The following BRD4 variants were observed in gnomAD, a reference collection of about 807,000 sequenced individuals.
BRD4 encodes the protein bromodomain-containing protein 4.
Under a neutral mutation model 142.1 loss-of-function variants are expected in BRD4, and 16 were observed. The observed-to-expected ratio is 0.11, with a 90% confidence interval of 0.08 to 0.17. The LOEUF (loss-of-function observed/expected upper bound fraction) is 0.17. Ranked by LOEUF, BRD4 falls within the 10% of genes least tolerant of loss-of-function variation. The pLI, the probability that BRD4 is intolerant of heterozygous loss-of-function variation, is 1.00. For synonymous variants in BRD4, 833 were observed against 707.5 expected, an observed-to-expected ratio of 1.18 and a Z score of -2.82; for missense variants, 1,424 against 1,810.9, an observed-to-expected ratio of 0.79 and a Z score of 3.88.
intron 1 of BRD4, among the ~76,000 whole-genome samples, chr19:15,319,492 T>C (rs769220507): frequency 1.3e-5 from 2 of 152,014 alleles, no homozygotes; most frequent in South Asian, 2.1e-4. Flanking sequence ...CACACACCTG[T>C]AGTTGCAGCT....
intron 11 of BRD4, among the ~76,000 whole-genome samples, chr19:15,251,422 A>G (rs1022289705): frequency 2.5e-5 from 3 of 121,772 alleles, no homozygotes; most frequent in Non-Finnish European, 4.9e-5. Flanking sequence ...CTCCAATCCA[A>G]ATGGAAACAC....
chr19:15,244,556 A>C lies in BRD4; in HGVS notation c.2256T>G (p.Pro752=). ...GAGGCGGGGGCGGCTGCTGGGGCAC[A>C]GGAGCCGGGGCCTGCTGCATCTGCT... ...HHQQMQQAPA[P]VPQQPPPPPQ... is the part of the protein sequence containing the mutation. Residue 752 remains proline, a synonymous_variant, in exon 13 of 20, where the codon CCT becomes CCG. Coordinates refer to ENST00000679869, the MANE Select transcript of BRD4 (RefSeq NM_001379291.1). 6.2e-7 allele frequency: 1 copy of C among 1,601,474 alleles called. No individual in the cohort carries two copies. Among genetic ancestry groups the C allele is most frequent in the Admixed American group, 1.7e-5 (1 of 59,826 alleles).
chr19:15,308,681 T>C (rs373027715), intron 1 of BRD4, among the ~76,000 whole-genome samples: 13 of 151,468 alleles, frequency 8.6e-5, no homozygotes, highest in South Asian at 6.3e-4. Flanking sequence ...ACATAAATTT[T>C]TAAAAAGGGG....
intron 1 of BRD4, among the ~76,000 whole-genome samples, chr19:15,311,260 C>G (rs749439245): frequency 2.6e-5 from 4 of 151,876 alleles, no homozygotes; most frequent in Non-Finnish European, 5.9e-5. Context: ...CCACTGCACT[C>G]CAGCCTGGGC....
At chr19:15,263,687 AC>A in intron 6 of BRD4, 139 bp from the exon 7 acceptor site, 3 of 1,058,344 alleles carry the variant, frequency 2.8e-6, no homozygotes, top group Non-Finnish European at 4.2e-6. Flanking sequence ...TAGTGGGGGG[AC>A]AGGCCATCAC....
At chr19:15,242,834 T>G in intron 14 of BRD4, 66 bp downstream of exon 14, 2 of 1,552,452 alleles carry the variant, frequency 1.3e-6, no homozygotes, top group East Asian at 4.8e-5. Flanking sequence ...CCCTTCTGGC[T>G]TCCTGAGGAC....
rs577701816 is a variant in BRD4, at chr19:15,282,671, T to A, written c.-34-9538A>T. On this transcript the variant is annotated intron_variant, in intron 1 of 19. Transcript: ENST00000679869. ...CTGACTCAGCTGTGCCCTTCACAGT[T>A]AAGAGTGGCATTTTCTCCTTGTTGA... is the stretch of plus-strand genomic sequence containing the variant. Among the ~76,000 whole-genome samples the A allele has an allele frequency of 1.9e-4, 29 of 152,366 alleles. No homozygotes were observed. The South Asian group carries it at 5.6e-3, about 29-fold the overall frequency.
chr19:15,273,757 G>A (rs2047615598), intron 1 of BRD4, among the ~76,000 whole-genome samples: 1 of 150,308 alleles, frequency 6.7e-6, no homozygotes, highest in Non-Finnish European at 1.5e-5. Flanking sequence ...GCTGAGGAAA[G>A]AATCTGCATG....
In BRD4 at chr19:15,239,705, G is replaced by C; in HGVS notation, c.3399C>G (p.Pro1133=). ...EPFSPSLRPE[P]PKHPESIKAP... is the part of the protein sequence containing the mutation. ...CCTTGATGCTCTCCGGGTGCTTGGG[G>C]GGCTCCGGCCGCAGCGAGGGGCTGA... Residue 1133 remains proline (P), a synonymous_variant, in exon 16 of 20, where the codon CCC becomes CCG. Coordinates refer to ENST00000679869, the MANE Select transcript of BRD4 (RefSeq NM_001379291.1). The surrounding 1 kb of genome is among the most constrained non-coding windows in gnomAD (Gnocchi z 7.4). The C allele has an allele frequency of 6.3e-7, 1 of 1,596,102 alleles. No homozygotes were observed. Among genetic ancestry groups the C allele is most frequent in the Non-Finnish European group, 8.5e-7 (1 of 1,178,090 alleles).
chr19:15,256,279 G>A lies in BRD4; in HGVS notation c.1552-16C>T, dbSNP rs201924921. On this transcript the variant is annotated splice_polypyrimidine_tract_variant and intron_variant, in intron 8 of 19. Transcript: ENST00000679869. ...CGGCTTTGAGCTGTAGACCAGACAG[G>A]CAAGACACACACTCAGGGCTGAAAC... 195 of 1,605,344 alleles carry A rather than the reference G, an allele frequency of 1.2e-4. No individual in the cohort carries two copies. Among genetic ancestry groups the A allele is most frequent in the Non-Finnish European group, 1.5e-4 (180 of 1,177,876 alleles).
At chr19:15,323,264 C>T (rs974436474) in intron 1 of BRD4, among the ~76,000 whole-genome samples, 16 of 148,420 alleles carry the variant, frequency 1.1e-4, no homozygotes, top group Non-Finnish European at 1.3e-4. Context: ...AAAACCTATG[C>T]GCCCTACTTT....
intron 7 of BRD4, among the ~76,000 whole-genome samples, chr19:15,258,228 T>G (rs964974145): frequency 6.6e-6 from 1 of 152,240 alleles, no homozygotes; most frequent in African/African-American, 2.4e-5. Flanking sequence ...AAACACTCCT[T>G]GAGGCTTCCT....
chr19:15,241,400 C>T (rs1456786654), intron 14 of BRD4, among the ~76,000 whole-genome samples: 8 of 152,240 alleles, frequency 5.3e-5, no homozygotes, highest in African/African-American at 1.4e-4. Context: ...GGATGGCTCA[C>T]GGATGACTCC....
rs1001170570 is a variant in BRD4 at position 15,273,207 on chromosome 19, T to C, written c.-34-74A>G. On this transcript the variant is annotated intron_variant, in intron 1 of 19. Coordinates refer to ENST00000679869, the MANE Select transcript of BRD4 (RefSeq NM_001379291.1). The stretch of plus-strand genomic sequence containing the variant: ...CACCGCTCAGAATGACAAGTCCCTC[T>C]GGCTGTGGTCTCCAAGGACTGAGTT... The C allele has an allele frequency of 6.4e-5, 92 of 1,431,500 alleles. No individual in the cohort carries two copies. In the African/African-American group the frequency reaches 1.2e-3, roughly 19 times the overall value. 88.7% of individuals were successfully genotyped at this position (1,431,500 alleles called of 1,614,324 possible). A position where few individuals can be genotyped will look rare whatever the true frequency, so the allele number is the denominator to read the frequency against.
chr19:15,243,655 A>T (rs1321730492), intron 13 of BRD4, among the ~76,000 whole-genome samples, 168 bp from the exon 14 acceptor site: 2 of 152,164 alleles, frequency 1.3e-5, no homozygotes, highest in African/African-American at 4.8e-5. Context: ...CCAGAGCAGT[A>T]AACAGCTTCC....
chr19:15,331,258 C>G (rs1382478603), intron 1 of BRD4, among the ~76,000 whole-genome samples: 3 of 152,224 alleles, frequency 2.0e-5, no homozygotes, highest in African/African-American at 7.2e-5. Flanking sequence ...TTTACACCGT[C>G]CACTACAACA....
chr19:15,308,951 G>A (rs1382125093), intron 1 of BRD4, among the ~76,000 whole-genome samples: 1 of 151,534 alleles, frequency 6.6e-6, no homozygotes, highest in Non-Finnish European at 1.5e-5. Flanking sequence ...GCAGGTGAAG[G>A]TTGCAGTGAG....
At chr19:15,275,428 G>C (rs551331960) in intron 1 of BRD4, among the ~76,000 whole-genome samples, 2 of 152,302 alleles carry the variant, frequency 1.3e-5, no homozygotes, top group South Asian at 2.1e-4. Context: ...TAAGCAGATA[G>C]AGTGGCCCAA....
At chr19:15,267,119 T>G (rs1421953599) in intron 4 of BRD4, among the ~76,000 whole-genome samples, 1 of 152,200 alleles carries the variant, frequency 6.6e-6, no homozygotes, top group Non-Finnish European at 1.5e-5. Context: ...ACTGGCAGGG[T>G]GAAGTGTTCA....
Sources: allele counts gnomAD v4.1 joint callset (sites outside exome capture counted in the v4.1 genomes callset), GRCh38; gene constraint gnomAD v4.1.1; non-coding constraint Gnocchi (gnomAD v3.1); transcripts MANE v1.5; gene names NCBI Gene and HGNC (gene_info 2026-07-23, HGNC 2026-07-21).